The following GLCCI1 variants were observed in gnomAD, a reference collection of about 807,000 sequenced individuals.
GLCCI1 encodes glucocorticoid induced 1, also known as glucocorticoid-induced transcript 1 protein.
A neutral mutation model predicts 52.2 loss-of-function variants in GLCCI1; 24 were observed. The observed-to-expected ratio is 0.46, with a 90% CI of 0.33 to 0.65. The LOEUF is 0.65. GLCCI1 is among the 30% of genes least tolerant of loss of function. The pLI is 0.02. For missense variants in GLCCI1, 704 were observed against 701.5 expected (o/e 1.00, Z -0.04); for synonymous variants, 310 against 276.5 (o/e 1.12, Z -1.20).
chr7:8,069,773 T>C (rs1194831629), intron 5 of GLCCI1, among the ~76,000 whole-genome samples: 8 of 152,244 alleles, frequency 5.3e-5, no homozygotes, highest in Non-Finnish European at 5.9e-5. Flanking sequence ...ATTTTGAATT[T>C]CACCTGATTT....
At chr7:8,043,349 C>T (rs1394576953) in intron 3 of GLCCI1, among the ~76,000 whole-genome samples, 2 of 150,326 alleles carry the variant, frequency 1.3e-5, no homozygotes, top group Admixed American at 6.6e-5. Flanking sequence ...AAAAAAGCAG[C>T]CATAGGCAGT....
At chr7:7,983,629 G>T (rs1027243469) in intron 1 of GLCCI1, among the ~76,000 whole-genome samples, 3 of 152,092 alleles carry the variant, frequency 2.0e-5, no homozygotes, top group Admixed American at 2.0e-4. Context: ...CCTTACATAG[G>T]GTTTATATAG....
At chr7:7,987,790 G>C (rs1343159674) in intron 1 of GLCCI1, among the ~76,000 whole-genome samples, 1 of 151,938 alleles carries the variant, frequency 6.6e-6, no homozygotes, top group Admixed American at 6.6e-5. Context: ...TAGAAATGGG[G>C]TTCCACTGTG....
In GLCCI1 at chr7:7,969,980, A is replaced by G; in HGVS notation, c.457+173A>G. On this transcript the variant is annotated intron_variant, in intron 1 of 7. Coordinates refer to ENST00000223145, the MANE Select transcript of GLCCI1 (RefSeq NM_138426.4). The surrounding 1 kb of genome is among the most constrained non-coding windows in gnomAD (Gnocchi z 4.9). ...TGTGGGGCTTGGAGGAGCGAACTGA[A>G]AAGCGACTTTTATTTGACCCTCATG... The G allele has an allele frequency of 1.1e-6, 1 of 887,004 alleles. No individual in the cohort carries two copies. The highest frequency in any genetic ancestry group is 1.4e-6 in the Non-Finnish European group (1 of 706,174). The allele number at this position is 887,004 out of a possible 1,614,324, so 54.9% of individuals were successfully genotyped here.
At chr7:8,009,614 A>G (rs1781222463) in intron 2 of GLCCI1, among the ~76,000 whole-genome samples, 1 of 152,192 alleles carries the variant, frequency 6.6e-6, no homozygotes, top group South Asian at 2.1e-4. Context: ...CTGACAGGGA[A>G]GTAACTGTTC....
At chr7:8,025,242 G>C (rs1334010550) in intron 3 of GLCCI1, among the ~76,000 whole-genome samples, 3 of 152,078 alleles carry the variant, frequency 2.0e-5, no homozygotes. Flanking sequence ...TGAAATTCAA[G>C]TGGGCTACTG....
intron 3 of GLCCI1, among the ~76,000 whole-genome samples, chr7:8,026,649 C>G (rs902441703): frequency 6.6e-6 from 1 of 152,258 alleles, no homozygotes; most frequent in Non-Finnish European, 1.5e-5. Context: ...GAACTTTACA[C>G]TGAACTCAGT....
intron 4 of GLCCI1, among the ~76,000 whole-genome samples, chr7:8,057,816 A>G (rs1782432540): frequency 6.6e-6 from 1 of 152,180 alleles, no homozygotes; most frequent in South Asian, 2.1e-4. Context: ...CACTTGACTG[A>G]ACAAAGAATG....
chr7:8,031,973 A>G (rs1343755778), intron 3 of GLCCI1, among the ~76,000 whole-genome samples: 1 of 150,712 alleles, frequency 6.6e-6, no homozygotes, highest in Admixed American at 6.6e-5. Flanking sequence ...ATGAGAAATT[A>G]TAATTATATG....
chr7:8,077,064 T>A lies in GLCCI1; in HGVS notation c.1177+5933T>A, dbSNP rs564409019. Among the ~76,000 whole-genome samples, 6 of 152,208 alleles carry A rather than the reference T, an allele frequency of 3.9e-5. No homozygotes were observed. In the South Asian group the frequency reaches 1.2e-3, roughly 32 times the overall value. ...TTTGGTGGGAAAGAGGCCATGAAGT[T>A]CAAATTTGCTGTAGAAATAAGGGGA... On this transcript the variant is annotated intron_variant, in intron 6 of 7. Transcript: ENST00000223145.
chr7:8,011,287 A>G (rs1379696284), intron 2 of GLCCI1, among the ~76,000 whole-genome samples: 1 of 152,192 alleles, frequency 6.6e-6, no homozygotes, highest in African/African-American at 2.4e-5. Context: ...TGTGTTTATT[A>G]AATACTAGCT....
chr7:8,073,672 G>T (rs919863553), intron 6 of GLCCI1, among the ~76,000 whole-genome samples: 3 of 152,040 alleles, frequency 2.0e-5, no homozygotes, highest in African/African-American at 7.2e-5. Flanking sequence ...CAACTTATTG[G>T]CACATGGCAA....
intron 3 of GLCCI1, among the ~76,000 whole-genome samples, chr7:8,041,661 C>T (rs1395011994): frequency 6.6e-6 from 1 of 152,248 alleles, no homozygotes; most frequent in East Asian, 1.9e-4. Flanking sequence ...GTGGCATGAT[C>T]GTAGCTCACT....
Position 8,086,042 on chromosome 7 carries a change from T to G in GLCCI1, c.1299-151T>G. ...CATGAATAGTCTGCCAGCTGACTTGTGCTATGGAAGATGTTTACCCCTCTG... is the reference window on the plus strand; with the variant it reads ...CATGAATAGTCTGCCAGCTGACTTGGGCTATGGAAGATGTTTACCCCTCTG... On this transcript the variant is annotated intron_variant, in intron 7 of 7. Coordinates refer to ENST00000223145, the MANE Select transcript of GLCCI1 (RefSeq NM_138426.4). The surrounding 1 kb of genome is among the most constrained non-coding windows in gnomAD (Gnocchi z 4.4). The G allele has an allele frequency of 1.6e-6, 1 of 641,412 alleles. No individual in the cohort carries two copies. The highest frequency in any genetic ancestry group is 2.7e-6 in the Non-Finnish European group (1 of 370,418). The allele number at this position is 641,412 out of a possible 1,614,324, so 39.7% of individuals were successfully genotyped here.
Position 8,086,343 on chromosome 7 carries a change from T to C in GLCCI1, c.1449T>C (p.Ser483=), listed in dbSNP as rs1472516647. The part of the protein sequence containing the change: ...SDLMLKNSPN[S]GQSSALATLT... ...TTATGCTCAAGAACTCCCCTAACTC[T>C]GGCCAGAGCTCAGCTTTGGCAACTC... Residue 483 remains serine (S), a synonymous_variant, in exon 8 of 8, where the codon TCT becomes TCC. Coordinates refer to ENST00000223145, the MANE Select transcript of GLCCI1 (RefSeq NM_138426.4). The surrounding 1 kb of genome is among the most constrained non-coding windows in gnomAD (Gnocchi z 4.4). The C allele has an allele frequency of 4.3e-6, 7 of 1,614,080 alleles. No individual in the cohort carries two copies. The highest frequency in any genetic ancestry group is 1.7e-5 in the Admixed American group (1 of 59,998).
intron 3 of GLCCI1, among the ~76,000 whole-genome samples, chr7:8,026,177 G>A (rs1472142987): frequency 6.6e-6 from 1 of 152,132 alleles, no homozygotes; most frequent in Non-Finnish European, 1.5e-5. Flanking sequence ...CTGATATTAA[G>A]TATTATTGTG....
intron 2 of GLCCI1, among the ~76,000 whole-genome samples, chr7:8,012,617 TG>T (rs1182848698): frequency 6.6e-6 from 1 of 151,570 alleles, no homozygotes; most frequent in Non-Finnish European, 1.5e-5. Context: ...GCTAATTTTT[TG>T]TATTTTTTAG....
chr7:8,027,783 C>T lies in GLCCI1; in HGVS notation c.696+5214C>T, dbSNP rs151333029. On this transcript the variant is annotated intron_variant, in intron 3 of 7. Transcript: ENST00000223145. ...TAAACTAAAAGGATGGAAAGATATT[C>T]CATGCCAGTGGAAACCAAAAAAGAG... Among the ~76,000 whole-genome samples, 46 of 151,972 alleles carry T rather than the reference C, an allele frequency of 3.0e-4. 1 individual carries two copies. The East Asian group carries it at 7.9e-3, about 26-fold the overall frequency.
intron 1 of GLCCI1, among the ~76,000 whole-genome samples, chr7:7,984,979 T>C (rs1393421065): frequency 6.6e-6 from 1 of 152,250 alleles, no homozygotes; most frequent in Admixed American, 6.5e-5. Context: ...AGTATTACTT[T>C]AGTTATAGTT....
Sources: allele counts gnomAD v4.1 joint callset (sites outside exome capture counted in the v4.1 genomes callset), GRCh38; gene constraint gnomAD v4.1.1; non-coding constraint Gnocchi (gnomAD v3.1); transcripts MANE v1.5; gene names NCBI Gene and HGNC (gene_info 2026-07-23, HGNC 2026-07-21).